Variants in MCM10 observed in about 807,000 individuals in gnomAD.
MCM10 encodes protein MCM10 homolog.
MCM10 carries 91 observed loss-of-function variants against 109.9 expected under a neutral mutation model. That is an observed-to-expected ratio of 0.83 (90% CI 0.70 to 0.99). MCM10 has a LOEUF of 0.99. Ranked by LOEUF, MCM10 falls within the 50% of genes least tolerant of loss-of-function variation. The probability of loss-of-function intolerance (pLI) is 0.00; values close to 1 mark genes in which losing one functional copy is unlikely to be tolerated. For missense variants in MCM10, 1,077 were observed against 1,061.2 expected, an observed-to-expected ratio of 1.01 and a Z score of -0.21; for synonymous variants, 380 against 387.2, an observed-to-expected ratio of 0.98 and a Z score of 0.22.
In MCM10 at chr10:13,209,551, T is replaced by G; in HGVS notation, c.*241T>G. On this transcript the variant is annotated 3_prime_UTR_variant, in exon 20 of 20. Transcript: ENST00000378714. ...CTTTTCTAAGCTCAGTGTGGATGAT[T>G]GCATTACTTCATTCACTGAAGTTTT... 1 of 546,390 alleles carries G rather than the reference T, an allele frequency of 1.8e-6. No homozygotes were observed. The highest frequency in any genetic ancestry group is 1.9e-5 in the African/African-American group (1 of 53,102). The allele number at this position is 546,390 out of a possible 1,614,324, so 33.8% of individuals were successfully genotyped here. A position where few individuals can be genotyped will look rare whatever the true frequency, so the allele number is the denominator to read the frequency against.
intron 2 of MCM10, among the ~76,000 whole-genome samples, chr10:13,170,140 A>G (rs1223063677): frequency 2.0e-5 from 3 of 152,366 alleles, no homozygotes; most frequent in African/African-American, 7.2e-5. Flanking sequence ...GACTGCCTAT[A>G]TATTTATGTA....
intron 2 of MCM10, among the ~76,000 whole-genome samples, chr10:13,167,147 T>C (rs1834012240): frequency 6.6e-6 from 1 of 151,802 alleles, no homozygotes; most frequent in East Asian, 1.9e-4. Flanking sequence ...AATAAATAAA[T>C]AAACAAACAA....
At chr10:13,197,600 C>T (rs1461311932) in intron 14 of MCM10, 23 bp from the exon 15 acceptor site, 4 of 1,605,140 alleles carry the variant, frequency 2.5e-6, no homozygotes, top group Admixed American at 1.7e-5. Flanking sequence ...ATCTTTACCT[C>T]CCTCTCATTC....
At position 13,204,113 on chromosome 10, in the gene MCM10, T is replaced by C. The variant is rs1351082310; in HGVS notation, c.2353-106T>C. ...AGTCCCCTAGCAAGGGCCCAGGTAG[T>C]GATGAGAGACCAGGTGGTCATGGAG... is the stretch of plus-strand genomic sequence containing the variant. On this transcript the variant is annotated intron_variant, in intron 17 of 19. Coordinates refer to ENST00000378714, the MANE Select transcript of MCM10 (RefSeq NM_018518.5). 3 of 1,377,054 alleles carry C rather than the reference T, an allele frequency of 2.2e-6. No homozygotes were observed. The African/African-American group carries it at 4.3e-5, about 20-fold the overall frequency. 85.3% of individuals were successfully genotyped at this position (1,377,054 alleles called of 1,614,324 possible).
intron 2 of MCM10, among the ~76,000 whole-genome samples, chr10:13,169,759 G>A (rs1588465493): frequency 6.6e-6 from 1 of 152,350 alleles, no homozygotes; most frequent in East Asian, 1.9e-4. Flanking sequence ...AGGCTGGAGT[G>A]CAGTGGTGCG....
chr10:13,167,623 C>A (rs1481793985), intron 2 of MCM10, among the ~76,000 whole-genome samples: 2 of 152,018 alleles, frequency 1.3e-5, no homozygotes, highest in African/African-American at 4.8e-5. Flanking sequence ...ATGATCAGCA[C>A]ATGACAGTGC....
intron 18 of MCM10, among the ~76,000 whole-genome samples, chr10:13,205,191 G>A (rs563872641): frequency 3.3e-5 from 5 of 151,686 alleles, no homozygotes; most frequent in Middle Eastern, 3.4e-3. Flanking sequence ...CTCCTCCCTC[G>A]CCCCCTCCCA....
At chr10:13,187,910 C>G (rs1375254546) in intron 9 of MCM10, among the ~76,000 whole-genome samples, 1 of 152,012 alleles carries the variant, frequency 6.6e-6, no homozygotes, top group Admixed American at 6.6e-5. Flanking sequence ...TTTGGGTGGC[C>G]GAAGTGGGCC....
At chr10:13,195,332 A>G in intron 14 of MCM10, 63 bp downstream of exon 14, 1 of 1,252,214 alleles carries the variant, frequency 8.0e-7, no homozygotes, top group Non-Finnish European at 1.1e-6. Context: ...GCTGGAGGAA[A>G]GACAGACACC....
chr10:13,179,941 A>G (rs1346165009), intron 6 of MCM10, among the ~76,000 whole-genome samples: 1 of 152,222 alleles, frequency 6.6e-6, no homozygotes, highest in African/African-American at 2.4e-5. Context: ...ATCCAAAGAA[A>G]GGCAAACCTA....
chr10:13,178,669 C>T (rs912621594), intron 6 of MCM10, among the ~76,000 whole-genome samples: 8 of 152,100 alleles, frequency 5.3e-5, no homozygotes, highest in African/African-American at 1.2e-4. Context: ...TCTTTTTGCT[C>T]GGGATTGCTT....
intron 8 of MCM10, among the ~76,000 whole-genome samples, chr10:13,185,327 A>G (rs963284660): frequency 2.0e-5 from 3 of 152,248 alleles, no homozygotes; most frequent in Non-Finnish European, 4.4e-5. Flanking sequence ...CGAGCTATTC[A>G]GGACAGTCCC....
rs138734556 is a variant in MCM10 at position 13,207,805 on chromosome 10, T to A, written c.2499-1286T>A. 5.9e-3 allele frequency among the ~76,000 whole-genome samples: 894 copies of A among 152,246 alleles called. 8 individuals carry two copies. Among genetic ancestry groups the A allele is most frequent in the African/African-American group, 0.02 (845 of 41,538 alleles). ...GAGTCCATTAAACTTCTTTCCTTTA[T>A]AAATTACCCAGTCTTGGGTATGTCT... On this transcript the variant is annotated intron_variant, in intron 18 of 19. Coordinates refer to ENST00000378714, the MANE Select transcript of MCM10 (RefSeq NM_018518.5).
rs537189352 is a variant in MCM10, at chr10:13,182,429, T to C, written c.931-504T>C. Among the ~76,000 whole-genome samples, 2 of 152,158 alleles carry C rather than the reference T, an allele frequency of 1.3e-5. No homozygotes were observed. Among genetic ancestry groups the C allele is most frequent in the South Asian group, 4.2e-4 (2 of 4,810 alleles). ...AGTTGGAGTGAGCAACGGGACATGA[T>C]TGCACCACTGCACTCCAACCTGGAT... On this transcript the variant is annotated intron_variant, in intron 7 of 19. Coordinates refer to ENST00000378714, the MANE Select transcript of MCM10 (RefSeq NM_018518.5). This position sits in a 1 kb window ranked among gnomAD's most constrained non-coding sequence, Gnocchi z 4.2.
rs1280155910 is a variant in MCM10, at chr10:13,182,420, G to A, written c.931-513G>A. Among the ~76,000 whole-genome samples, 4 of 152,038 alleles carry A rather than the reference G, an allele frequency of 2.6e-5. No individual in the cohort carries two copies. Among genetic ancestry groups the A allele is most frequent in the African/African-American group, 7.2e-5 (3 of 41,388 alleles). On this transcript the variant is annotated intron_variant, in intron 7 of 19. Transcript: ENST00000378714. The surrounding 1 kb of genome is among the most constrained non-coding windows in gnomAD (Gnocchi z 4.2). ...GAGCCCAGGAGTTGGAGTGAGCAAC[G>A]GGACATGATTGCACCACTGCACTCC...
chr10:13,186,126 T>G, intron 8 of MCM10, 38 bp from the exon 9 acceptor site: 2 of 1,159,768 alleles, frequency 1.7e-6, no homozygotes, highest in Non-Finnish European at 2.6e-6. Context: ...GGCCATAATT[T>G]TGTCCGCCTT....
At chr10:13,167,166 A>C (rs75451642) in intron 2 of MCM10, among the ~76,000 whole-genome samples, 6,391 of 152,240 alleles carry the variant, frequency 0.042, 178 homozygotes, top group Admixed American at 0.076. Flanking sequence ...AAAAAAGACC[A>C]GTCAGCATGG....
chr10:13,172,837 T>G lies in MCM10; in HGVS notation c.592+72T>G, dbSNP rs1834093811. On this transcript the variant is annotated intron_variant, in intron 5 of 19. Transcript: ENST00000378714. This position sits in a 1 kb window ranked among gnomAD's most constrained non-coding sequence, Gnocchi z 5.2. ...ATGTGTGTGGGGGTGTTCATGTGTG[T>G]GTGGGTGTCTGTGTCTTTTGGTCTG... 6.9e-7 allele frequency: 1 copy of G among 1,441,602 alleles called. No individual in the cohort carries two copies. The highest frequency in any genetic ancestry group is 9.6e-7 in the Non-Finnish European group (1 of 1,044,644). 89.3% of individuals were successfully genotyped at this position (1,441,602 alleles called of 1,614,324 possible).
At chr10:13,170,632 G>A (rs1468449891) in intron 2 of MCM10, among the ~76,000 whole-genome samples, 1 of 152,192 alleles carries the variant, frequency 6.6e-6, no homozygotes, top group Admixed American at 6.5e-5. Context: ...TGGAGACAAG[G>A]AGAACAAAGA....
Sources: allele counts gnomAD v4.1 joint callset (sites outside exome capture counted in the v4.1 genomes callset), GRCh38; gene constraint gnomAD v4.1.1; non-coding constraint Gnocchi (gnomAD v3.1); transcripts MANE v1.5; gene names NCBI Gene and HGNC (gene_info 2026-07-23, HGNC 2026-07-21).